Variants in ADK observed in about 807,000 individuals in gnomAD.
ADK encodes the protein N6,N6-dimethyladenosine kinase.
In ADK, 24 loss-of-function variants were observed where a neutral mutation model predicts 44.7. The observed-to-expected ratio is 0.54, with a 90% CI of 0.39 to 0.76. ADK has a LOEUF of 0.76. ADK is among the 30% of genes least tolerant of loss of function. The probability of loss-of-function intolerance (pLI) is 0.00; values close to 1 mark genes in which losing one functional copy is unlikely to be tolerated. For missense variants in ADK, 321 were observed against 425.1 expected, an observed-to-expected ratio of 0.76 and a Z score of 2.15; for synonymous variants, 128 against 142.6, an observed-to-expected ratio of 0.90 and a Z score of 0.73.
intron 3 of ADK, among the ~76,000 whole-genome samples, chr10:74,227,946 G>A (rs556303788): frequency 3.4e-4 from 51 of 152,162 alleles, no homozygotes; most frequent in African/African-American, 1.2e-3. Flanking sequence ...GGAGATCAAG[G>A]CTGCAGTGAA....
chr10:74,606,987 C>A (rs1321416428), intron 9 of ADK, among the ~76,000 whole-genome samples: 2 of 152,032 alleles, frequency 1.3e-5, no homozygotes, highest in Admixed American at 6.5e-5. Context: ...TTATGTAATG[C>A]CCTTGTTTGT....
rs10400099 is a variant in ADK, at chr10:74,241,093, T to C, written c.194+16502T>C. Among the ~76,000 whole-genome samples the C allele has an allele frequency of 3.4e-3, 519 of 152,366 alleles. 1 individual carries two copies. The highest frequency in any genetic ancestry group is 0.012 in the African/African-American group (480 of 41,594). On this transcript the variant is annotated intron_variant, in intron 3 of 10. Transcript: ENST00000539909. ...TATCACTGTCAATAATTATCCATTG[T>C]CAGTATTTGTAAAGCAGAATAAAAG...
chr10:74,190,402 C>G (rs1217091986), intron 1 of ADK, among the ~76,000 whole-genome samples: 1 of 152,214 alleles, frequency 6.6e-6, no homozygotes. Flanking sequence ...TCAGGTCTTT[C>G]TTGAGTATGC....
chr10:74,363,445 G>A (rs1842403141), intron 4 of ADK, among the ~76,000 whole-genome samples: 2 of 152,066 alleles, frequency 1.3e-5, no homozygotes, highest in African/African-American at 4.8e-5. Context: ...TTGGATGGAG[G>A]TTGATGTGCT....
chr10:74,303,588 G>GTTTTTTTTTTTTTTTTGTTTTTTTT (rs1840142261), intron 3 of ADK, among the ~76,000 whole-genome samples: 1 of 68,576 alleles, frequency 1.5e-5, no homozygotes, highest in East Asian at 4.6e-4. Context: ...TTTTAATGTT[G>GTTTTTTTTTTTTTTTTGTTTTTTTT]TTTTTTTTTT....
rs1014763780 is a variant in ADK, at chr10:74,201,862, T to G, written c.140+1024T>G. On this transcript the variant is annotated intron_variant, in intron 2 of 10. Transcript: ENST00000539909. ...AAAGATTAATGATGAGAAAGCAAGA[T>G]CCCCCCTCTCCTCACACACCCTGAT... is the stretch of plus-strand genomic sequence containing the variant. Among the ~76,000 whole-genome samples the G allele has an allele frequency of 2.0e-5, 3 of 151,934 alleles. No homozygotes were observed. In the South Asian group the frequency reaches 6.2e-4, roughly 32 times the overall value.
At position 74,273,533 on chromosome 10, in the gene ADK, C is replaced by T. The variant is rs145756920; in HGVS notation, c.195-41134C>T. On this transcript the variant is annotated intron_variant, in intron 3 of 10. Coordinates refer to ENST00000539909, the MANE Select transcript of ADK (RefSeq NM_006721.4). The stretch of plus-strand genomic sequence containing the variant: ...AGTGTGATGGCATGATCTTGGCTCA[C>T]TGCAACCTCTGCCTCCCAAGTTCAA... Among the ~76,000 whole-genome samples, 375 of 152,160 alleles carry T rather than the reference C, an allele frequency of 2.5e-3. 2 individuals carry two copies. Among genetic ancestry groups the T allele is most frequent in the African/African-American group, 8.6e-3 (357 of 41,508 alleles).
intron 8 of ADK, among the ~76,000 whole-genome samples, chr10:74,590,778 T>C (rs1898055): frequency 0.34 from 51,860 of 151,980 alleles, 12,270 homozygotes; most frequent in East Asian, 0.65. Flanking sequence ...AATGTAATCA[T>C]GGGAATATTC....
intron 4 of ADK, among the ~76,000 whole-genome samples, chr10:74,321,985 T>G (rs529372344): frequency 6.6e-6 from 1 of 152,340 alleles, no homozygotes; most frequent in South Asian, 2.1e-4. Context: ...GTAACATTAC[T>G]AATTGAGTTA....
At chr10:74,690,450 C>T (rs1054722388) in intron 10 of ADK, among the ~76,000 whole-genome samples, 2 of 152,170 alleles carry the variant, frequency 1.3e-5, no homozygotes, top group Non-Finnish European at 2.9e-5. Flanking sequence ...GAGCTGAGAT[C>T]ACACCACTGT....
intron 4 of ADK, among the ~76,000 whole-genome samples, chr10:74,349,547 C>T (rs894536801): frequency 1.3e-5 from 2 of 152,148 alleles, no homozygotes; most frequent in Admixed American, 6.5e-5. Context: ...ATGACAGGAT[C>T]AAATTCATGT....
chr10:74,277,138 G>A (rs370840117), intron 3 of ADK, among the ~76,000 whole-genome samples: 5 of 151,950 alleles, frequency 3.3e-5, no homozygotes, highest in Admixed American at 2.0e-4. Context: ...GGCTGATCTC[G>A]AACTCTTGAC....
intron 10 of ADK, among the ~76,000 whole-genome samples, chr10:74,674,305 C>T (rs1228884344): frequency 1.3e-5 from 2 of 152,170 alleles, no homozygotes; most frequent in African/African-American, 2.4e-5. Context: ...TGCTCCCTCT[C>T]CACACCAGCA....
chr10:74,595,690 C>A (rs1274541914), intron 8 of ADK, among the ~76,000 whole-genome samples: 1 of 20 alleles, frequency 0.05, no homozygotes, highest in Non-Finnish European at 0.1. Flanking sequence ...ATCAGTTCAA[C>A]AGATTAAAAA....
chr10:74,387,401 A>G (rs1843182045), intron 4 of ADK, among the ~76,000 whole-genome samples: 1 of 152,222 alleles, frequency 6.6e-6, no homozygotes, highest in Non-Finnish European at 1.5e-5. Context: ...GCAGTGCCTA[A>G]CAGGTAGAAA....
At chr10:74,221,558 G>A (rs1345028327) in intron 2 of ADK, among the ~76,000 whole-genome samples, 4 of 150,404 alleles carry the variant, frequency 2.7e-5, no homozygotes, top group East Asian at 1.9e-4. Flanking sequence ...AGCTCACATC[G>A]CCAAGTCAAT....
intron 3 of ADK, among the ~76,000 whole-genome samples, chr10:74,280,435 C>CAT (rs1329577930): frequency 6.6e-6 from 1 of 151,930 alleles, no homozygotes; most frequent in African/African-American, 2.4e-5. Context: ...CACACACACA[C>CAT]ACACACACAC....
intron 3 of ADK, among the ~76,000 whole-genome samples, chr10:74,243,369 G>C (rs1845299196): frequency 1.3e-5 from 2 of 152,168 alleles, no homozygotes. Context: ...AAGGGACCAA[G>C]AAAAATCCTG....
At position 74,151,784 on chromosome 10, in the gene ADK, G is replaced by C. The variant is rs556564532; in HGVS notation, c.65+441G>C. Reference sequence around the variant, plus strand: ...GGGGATTTTTCAGAGTGTTGCGGAAGGGCACGTTGACCTTCCTTTTCGTGC... The same window carrying C: ...GGGGATTTTTCAGAGTGTTGCGGAACGGCACGTTGACCTTCCTTTTCGTGC... On this transcript the variant is annotated intron_variant, in intron 1 of 10. Coordinates refer to ENST00000539909, the MANE Select transcript of ADK (RefSeq NM_006721.4). Among the ~76,000 whole-genome samples, 10 of 152,336 alleles carry C rather than the reference G, an allele frequency of 6.6e-5. No homozygotes were observed. In the East Asian group the frequency reaches 1.7e-3, roughly 26 times the overall value.
Sources: gnomAD v4.1 joint callset for allele counts (sites outside exome capture counted in the v4.1 genomes callset) on GRCh38, gnomAD v4.1.1 for gene constraint, MANE v1.5 for transcripts, NCBI Gene and HGNC (gene_info 2026-07-23, HGNC 2026-07-21) for gene names.